C20orf96: variants seen among roughly 807,000 people sequenced by gnomAD.
C20orf96 encodes chromosome 20 open reading frame 96, also known as uncharacterized protein C20orf96.
C20orf96 carries 57 observed loss-of-function variants against 52.6 expected under a neutral mutation model. The ratio of observed to expected loss-of-function variants is 1.08; its 90% confidence interval spans 0.88 to 1.35. The LOEUF (loss-of-function observed/expected upper bound fraction) is 1.35. Among genes scored for constraint, C20orf96 ranks in the 40% most tolerant of loss-of-function variants. The pLI is 0.00. For synonymous variants in C20orf96, 168 were observed against 157.2 expected (o/e 1.07, Z -0.51); for missense variants, 478 against 443.6 (o/e 1.08, Z -0.70).
Position 284,095 on chromosome 20 carries a change from G to A in C20orf96, c.188-14C>T. The A allele has an allele frequency of 1.9e-6, 3 of 1,603,966 alleles. No homozygotes were observed. The highest frequency in any genetic ancestry group is 2.6e-6 in the Non-Finnish European group (3 of 1,170,756). On this transcript the variant is annotated splice_polypyrimidine_tract_variant and intron_variant, in intron 3 of 10. Transcript: ENST00000360321. ...TGAAGTGAAACACTAGGGGTAGACAGGAAAGGACAGGGAGAGAGTGAGGGT... is the reference window on the plus strand; with the variant it reads ...TGAAGTGAAACACTAGGGGTAGACAAGAAAGGACAGGGAGAGAGTGAGGGT...
chr20:289,224 T>C (rs138608116), intron 3 of C20orf96, among the ~76,000 whole-genome samples: 41 of 146,070 alleles, frequency 2.8e-4, no homozygotes, highest in African/African-American at 1.0e-3. Context: ...GCCCACATAA[T>C]TGTCCATGTT....
At chr20:290,169 C>G in intron 2 of C20orf96, 90 bp downstream of exon 2, 1 of 1,033,804 alleles carries the variant, frequency 9.7e-7, no homozygotes, top group South Asian at 1.5e-5. Context: ...AGCCTATATC[C>G]GCGGAGCAGT....
intron 9 of C20orf96, 105 bp downstream of exon 9, chr20:276,688 C>A: frequency 6.6e-7 from 1 of 1,521,898 alleles, no homozygotes. Context: ...AGTCAGAGAC[C>A]TCCTGAGCGC....
rs1302995122 is a variant in C20orf96 at position 271,034 on chromosome 20, G to A, written c.*173C>T. On this transcript the variant is annotated 3_prime_UTR_variant, in exon 11 of 11. Coordinates refer to ENST00000360321, the MANE Select transcript of C20orf96 (RefSeq NM_153269.3). ...AGGAAGGAAGGAGGAGGGAAGGGAA[G>A]GGGGGAAGAAGGGAGGGAGGGAGGG... 10 of 564,994 alleles carry A rather than the reference G, an allele frequency of 1.8e-5. No individual in the cohort carries two copies. The highest frequency in any genetic ancestry group is 2.5e-5 in the Non-Finnish European group (8 of 318,862). 35.0% of individuals were successfully genotyped at this position (564,994 alleles called of 1,614,324 possible).
Position 277,267 on chromosome 20 carries a change from T to G in C20orf96, c.682A>C (p.Thr228Pro). ...ACCTGCTGCAGCTGGCGCATAAGAGTGGAGATCTGGACAGACTTGATGGAA... is the reference window on the plus strand; with the variant it reads ...ACCTGCTGCAGCTGGCGCATAAGAGGGGAGATCTGGACAGACTTGATGGAA... ...EYSIKSVQIS[T>P]LMRQLQQVKD... is the part of the protein sequence containing the mutation. The change falls in exon 7 of 11, where the codon ACT (threonine) becomes CCT (proline). Residue 228 changes from threonine to proline, a missense_variant. Physicochemically the swap from Thr to Pro is conservative, Grantham distance 38 (BLOSUM62 -1). Coordinates refer to ENST00000360321, the MANE Select transcript of C20orf96 (RefSeq NM_153269.3). 8 of 1,613,878 alleles carry G rather than the reference T, an allele frequency of 5.0e-6. No homozygotes were observed. The highest frequency in any genetic ancestry group is 6.8e-6 in the Non-Finnish European group (8 of 1,179,966).
At chr20:290,191 G>A (rs953267834) in intron 2 of C20orf96, 68 bp downstream of exon 2, 9 of 1,242,058 alleles carry the variant, frequency 7.2e-6, no homozygotes, top group Admixed American at 2.0e-5. Context: ...ACGACCGTGA[G>A]AGTGGAGAGC....
intron 1 of C20orf96, 134 bp downstream of exon 1, chr20:290,456 AT>A: frequency 2.0e-6 from 3 of 1,501,986 alleles, no homozygotes; most frequent in Non-Finnish European, 2.7e-6. Flanking sequence ...GGCCAAGGAG[AT>A]GTGGGCGGGG....
At chr20:271,301 C>T in intron 10 of C20orf96, 34 bp from the exon 11 acceptor site, 1 of 1,521,260 alleles carries the variant, frequency 6.6e-7, no homozygotes, top group Non-Finnish European at 8.9e-7. Context: ...CCATGAGAGA[C>T]CAGAGGTGGC....
intron 9 of C20orf96, 146 bp downstream of exon 9, chr20:276,647 T>C: frequency 2.0e-6 from 3 of 1,466,686 alleles, no homozygotes; most frequent in East Asian, 2.5e-5. Context: ...GTGACAGTAA[T>C]GGCACCGGCA....
At chr20:278,037 G>A (rs1048910822) in intron 6 of C20orf96, among the ~76,000 whole-genome samples, 4 of 152,138 alleles carry the variant, frequency 2.6e-5, no homozygotes, top group African/African-American at 4.8e-5. Flanking sequence ...TCTTAGCCTC[G>A]GTTTCCTCAT....
chr20:271,129 G>A lies in C20orf96; in HGVS notation c.*78C>T, dbSNP rs111925487. 4.6e-3 allele frequency: 5,624 copies of A among 1,232,354 alleles called. 187 individuals carry two copies. The African/African-American group carries it at 0.073, about 16-fold the overall frequency. The allele number at this position is 1,232,354 out of a possible 1,614,324, so 76.3% of individuals were successfully genotyped here. On this transcript the variant is annotated 3_prime_UTR_variant, in exon 11 of 11. Coordinates refer to ENST00000360321, the MANE Select transcript of C20orf96 (RefSeq NM_153269.3). ...TAGATCAGGGTCTGAATGGAGATCC[G>A]GTCCTGGAAGTAAATGATCCAAGGC...
Position 290,583 on chromosome 20 carries a change from TTA to T in C20orf96, c.20+6_20+7del. ...TTCCAATTTTTTTTTTTTTTTTTTT[TTA>T]CCTACTTTTGTAAGACATGCGCCAT... On this transcript the variant is annotated splice_donor_region_variant and intron_variant, in intron 1 of 10. Coordinates refer to ENST00000360321, the MANE Select transcript of C20orf96 (RefSeq NM_153269.3). The T allele has an allele frequency of 2.5e-6, 4 of 1,583,732 alleles. No homozygotes were observed. Among genetic ancestry groups the T allele is most frequent in the Non-Finnish European group, 2.6e-6 (3 of 1,169,162 alleles).
chr20:277,796 C>T (rs1466180505), intron 6 of C20orf96, among the ~76,000 whole-genome samples: 1 of 119,850 alleles, frequency 8.3e-6, no homozygotes, highest in African/African-American at 3.1e-5. Flanking sequence ...ATCCTGTCTT[C>T]CTCCAGAGAG....
At position 271,162 on chromosome 20, in the gene C20orf96, G is replaced by A. The variant is rs369937008; in HGVS notation, c.*45C>T. ...AAGTAAATGATCCAAGGCTCCAGGTGCTGGGAAGAGAGCAGGAGGGGAGGG... is the reference window on the plus strand; with the variant it reads ...AAGTAAATGATCCAAGGCTCCAGGTACTGGGAAGAGAGCAGGAGGGGAGGG... On this transcript the variant is annotated 3_prime_UTR_variant, in exon 11 of 11. Coordinates refer to ENST00000360321, the MANE Select transcript of C20orf96 (RefSeq NM_153269.3). 5.0e-5 allele frequency: 74 copies of A among 1,480,380 alleles called. No individual in the cohort carries two copies. Among genetic ancestry groups the A allele is most frequent in the Non-Finnish European group, 6.6e-5 (71 of 1,082,524 alleles). 91.7% of individuals were successfully genotyped at this position (1,480,380 alleles called of 1,614,324 possible).
intron 10 of C20orf96, among the ~76,000 whole-genome samples, chr20:272,645 C>T (rs1042535016): frequency 6.6e-6 from 1 of 152,146 alleles, no homozygotes; most frequent in African/African-American, 2.4e-5. Flanking sequence ...TGTGAGCCAC[C>T]ATGCCTGCCT....
intron 3 of C20orf96, among the ~76,000 whole-genome samples, chr20:286,674 C>T (rs1038986641): frequency 1.3e-5 from 2 of 152,108 alleles, no homozygotes; most frequent in Admixed American, 6.5e-5. Context: ...CTCCCAGTGG[C>T]AACATCCTGC....
chr20:271,863 C>T (rs2011851742), intron 10 of C20orf96, among the ~76,000 whole-genome samples: 1 of 152,174 alleles, frequency 6.6e-6, no homozygotes, highest in Admixed American at 6.5e-5. Context: ...TTATTATTTC[C>T]ATGAAAGTAG....
At chr20:290,504 G>T in intron 1 of C20orf96, 87 bp downstream of exon 1, 1 of 1,575,216 alleles carries the variant, frequency 6.3e-7, no homozygotes, top group Non-Finnish European at 8.6e-7. Context: ...GCGACCTCGA[G>T]GCGAGGGCGG....
At chr20:286,926 G>A (rs1168108857) in intron 3 of C20orf96, among the ~76,000 whole-genome samples, 1 of 152,118 alleles carries the variant, frequency 6.6e-6, no homozygotes. Flanking sequence ...GTAACTGTGG[G>A]GATTGGCTTT....
Sources: gnomAD v4.1 joint callset for allele counts (sites outside exome capture counted in the v4.1 genomes callset) on GRCh38, gnomAD v4.1.1 for gene constraint, MANE v1.5 for transcripts, NCBI Gene and HGNC (gene_info 2026-07-23, HGNC 2026-07-21) for gene names.